The following CHM variants were observed in gnomAD, a reference collection of about 807,000 sequenced individuals.
CHM encodes CHM Rab escort protein, also known as rab proteins geranylgeranyltransferase component A 1.
CHM carries 10 observed loss-of-function variants against 49.0 expected under a neutral mutation model. The ratio of observed to expected loss-of-function variants is 0.20; its 90% CI spans 0.13 to 0.35. The LOEUF is 0.35. Among genes scored for constraint, CHM ranks in the 10% least tolerant of loss-of-function variants. The pLI, the probability that CHM is intolerant of heterozygous loss-of-function variation, is 1.00. For synonymous variants in CHM, 184 were observed against 167.5 expected (o/e 1.10, Z -0.76); for missense variants, 455 against 478.4 (o/e 0.95, Z 0.46).
intron 4 of CHM, chrX:85,970,580 TTC>T (rs1433859646): frequency 3.2e-6 from 1 of 308,248 alleles, no homozygotes; most frequent in East Asian, 2.2e-4. Context: ...TTCCTTGAGC[TTC>T]TGTTTGTCAG....
At position 85,862,274 on chromosome X, in the gene CHM, C is replaced by T. The variant is rs1269726408; in HGVS notation, c.*2356G>A. 2 of 112,302 alleles carry T rather than the reference C, an allele frequency of 1.8e-5. No individual in the cohort carries two copies. The highest frequency in any genetic ancestry group is 3.8e-5 in the Non-Finnish European group (2 of 53,232). 9.3% of individuals were successfully genotyped at this position (112,302 alleles called of 1,213,427 possible). A position where few individuals can be genotyped will look rare whatever the true frequency, so the allele number is the denominator to read the frequency against. On this transcript the variant is annotated 3_prime_UTR_variant, in exon 15 of 15. Transcript: ENST00000357749. ...TAGAATTTTTGTGGTTATTCTAGGCCTACCCTGATTGTCTGTTTACATGAA... is the reference window on the plus strand; with the variant it reads ...TAGAATTTTTGTGGTTATTCTAGGCTTACCCTGATTGTCTGTTTACATGAA...
chrX:86,035,185 T>C (rs774002032), intron 1 of CHM, among the ~76,000 whole-genome samples: 8 of 111,868 alleles, frequency 7.2e-5, no homozygotes, highest in Non-Finnish European at 1.5e-4. Context: ...CTCCTTCCTA[T>C]TGAAAACAAA....
At chrX:85,946,922 G>C (rs1363798785) in intron 8 of CHM, among the ~76,000 whole-genome samples, 2 of 112,684 alleles carry the variant, frequency 1.8e-5, no homozygotes, top group African/African-American at 6.4e-5. Context: ...GGCCTTGGGA[G>C]CCCACTCCTT....
intron 1 of CHM, among the ~76,000 whole-genome samples, chrX:86,045,602 C>T (rs1934624456): frequency 9.0e-6 from 1 of 111,445 alleles, no homozygotes; most frequent in African/African-American, 3.3e-5. Flanking sequence ...GCGATGTCAC[C>T]TGATGCAATT....
At chrX:85,936,135 G>A (rs767117153) in intron 8 of CHM, among the ~76,000 whole-genome samples, 2 of 111,906 alleles carry the variant, frequency 1.8e-5, no homozygotes, top group South Asian at 7.4e-4. Context: ...CTATGGGAGA[G>A]ATGAAGATGA....
rs1232674000 is a variant in CHM at position 85,957,840 on chromosome X, TAATGAA to T, written c.940+9_940+14del. 1 of 1,199,827 alleles carries T rather than the reference TAATGAA, an allele frequency of 8.3e-7. No homozygotes were observed. The highest frequency in any genetic ancestry group is 1.1e-6 in the Non-Finnish European group (1 of 888,328). On this transcript the variant is annotated intron_variant, in intron 7 of 14. Transcript: ENST00000357749. ...TGTCAAATAATTGGAGAGCACTACT[TAATGAA>T]AAAAATACCTTTATATTCATCAGGA...
intron 8 of CHM, among the ~76,000 whole-genome samples, chrX:85,924,551 C>T (rs1412107943): frequency 9.0e-6 from 1 of 111,485 alleles, no homozygotes; most frequent in Non-Finnish European, 1.9e-5. Context: ...AAATTGTTAC[C>T]AACCTCAAAA....
intron 12 of CHM, among the ~76,000 whole-genome samples, chrX:85,884,974 G>A (rs867694844): frequency 7.2e-5 from 8 of 110,750 alleles, no homozygotes; most frequent in Non-Finnish European, 1.3e-4. Flanking sequence ...CTGTGACACA[G>A]TAATTAAATA....
chrX:86,021,155 T>TATATATAC (rs1361889716), intron 2 of CHM, among the ~76,000 whole-genome samples: 1 of 50,891 alleles, frequency 2.0e-5, no homozygotes, highest in East Asian at 1.0e-3. Flanking sequence ...TATATATATA[T>TATATATAC]ATACACGTAT....
chrX:85,936,611 T>TA (rs1299565401), intron 8 of CHM, among the ~76,000 whole-genome samples: 2 of 112,404 alleles, frequency 1.8e-5, no homozygotes, highest in Admixed American at 1.9e-4. Flanking sequence ...AAAGATTTTA[T>TA]AAAAAGACTC....
intron 2 of CHM, among the ~76,000 whole-genome samples, chrX:86,023,301 G>A (rs1299017399): frequency 9.0e-6 from 1 of 111,098 alleles, no homozygotes; most frequent in Admixed American, 9.6e-5. Flanking sequence ...CTCTGCACCT[G>A]TCATACTCAA....
intron 7 of CHM, among the ~76,000 whole-genome samples, chrX:85,956,761 T>C (rs1245143449): frequency 8.9e-6 from 1 of 111,752 alleles, no homozygotes; most frequent in Non-Finnish European, 1.9e-5. Flanking sequence ...AATGTATTGA[T>C]TTAAAATGAT....
At chrX:85,886,272 T>A (rs1378419300) in intron 12 of CHM, among the ~76,000 whole-genome samples, 1 of 112,221 alleles carries the variant, frequency 8.9e-6, no homozygotes, top group Non-Finnish European at 1.9e-5. Context: ...ATTTTCAGTT[T>A]TTGGTGCTTG....
At chrX:85,949,541 GTAAC>G (rs1279152832) in intron 8 of CHM, among the ~76,000 whole-genome samples, 1 of 110,338 alleles carries the variant, frequency 9.1e-6, no homozygotes. Flanking sequence ...GAGGGAAAGA[GTAAC>G]TAAGAAAACC....
intron 8 of CHM, among the ~76,000 whole-genome samples, chrX:85,944,971 T>C (rs181141196): frequency 8.9e-5 from 10 of 111,943 alleles, no homozygotes; most frequent in African/African-American, 3.3e-4. Flanking sequence ...CGAGATCATG[T>C]CCTTTGCAGG....
rs779109589 is a variant in CHM, at chrX:85,922,435, C to A, written c.1167-11097G>T. On this transcript the variant is annotated intron_variant, in intron 8 of 14. Coordinates refer to ENST00000357749, the MANE Select transcript of CHM (RefSeq NM_000390.4). Reference sequence around the variant, plus strand: ...GTATTTTGCTGTAGTGGGTCTGGCTCCTGGGAAGGCAAAATTGGACGGCAT... The same window carrying A: ...GTATTTTGCTGTAGTGGGTCTGGCTACTGGGAAGGCAAAATTGGACGGCAT... Among the ~76,000 whole-genome samples the A allele has an allele frequency of 3.1e-4, 35 of 111,672 alleles. No homozygotes were observed. In the Middle Eastern group the frequency reaches 0.014, roughly 45 times the overall value.
At chrX:86,027,441 C>T (rs763552462) in intron 2 of CHM, 50 bp downstream of exon 2, 65 of 1,004,406 alleles carry the variant, frequency 6.5e-5, no homozygotes, top group Non-Finnish European at 8.6e-5. Context: ...AATTTTAATC[C>T]TGTATAGAGA....
intron 1 of CHM, among the ~76,000 whole-genome samples, chrX:86,044,592 A>G (rs1299186367): frequency 2.7e-5 from 3 of 111,994 alleles, no homozygotes; most frequent in African/African-American, 9.7e-5. Context: ...GCTTCCAGAT[A>G]AGTCACCTCC....
intron 8 of CHM, among the ~76,000 whole-genome samples, chrX:85,930,804 G>A (rs1928383641): frequency 8.9e-6 from 1 of 111,842 alleles, no homozygotes; most frequent in African/African-American, 3.2e-5. Flanking sequence ...AGAAATTCAA[G>A]TCTTTATCGA....
Sources: allele counts gnomAD v4.1 joint callset (sites outside exome capture counted in the v4.1 genomes callset), GRCh38; gene constraint gnomAD v4.1.1; transcripts MANE v1.5; gene names NCBI Gene and HGNC (gene_info 2026-07-23, HGNC 2026-07-21).